CYB5B: variants seen among roughly 807,000 people sequenced by gnomAD.
The protein encoded by CYB5B is cytochrome b5 type B (outer mitochondrial membrane).
Under a neutral mutation model 21.3 loss-of-function variants are expected in CYB5B, and 14 were observed. That is an observed-to-expected ratio of 0.66 (90% confidence interval 0.43 to 1.03). The LOEUF is 1.03. Ranked by LOEUF, CYB5B falls within the 50% of genes least tolerant of loss-of-function variation. CYB5B has a pLI of 0.00. For missense variants in CYB5B, 166 were observed against 185.1 expected (o/e 0.90, Z 0.60); for synonymous variants, 69 against 68.4 (o/e 1.01, Z -0.04).
At chr16:69,456,166 G>T (rs939543777) in intron 3 of CYB5B, among the ~76,000 whole-genome samples, 1 of 151,944 alleles carries the variant, frequency 6.6e-6, no homozygotes, top group Non-Finnish European at 1.5e-5. Context: ...TTGAGACAGG[G>T]TCTTGATCTG....
chr16:69,425,799 T>A (rs1278097705), intron 1 of CYB5B, among the ~76,000 whole-genome samples: 1 of 152,232 alleles, frequency 6.6e-6, no homozygotes, highest in Non-Finnish European at 1.5e-5. Context: ...TCGGTGTGTG[T>A]ATGTTTGAAG....
intron 1 of CYB5B, among the ~76,000 whole-genome samples, chr16:69,438,245 T>C (rs921058777): frequency 3.9e-5 from 6 of 152,248 alleles, no homozygotes; most frequent in African/African-American, 1.4e-4. Flanking sequence ...TTTCATTCAT[T>C]TTTAAGGCTG....
intron 1 of CYB5B, among the ~76,000 whole-genome samples, chr16:69,440,234 G>A (rs1461768719): frequency 6.6e-6 from 1 of 152,146 alleles, no homozygotes; most frequent in Non-Finnish European, 1.5e-5. Flanking sequence ...ATTGAATATT[G>A]TTGTGAATCA....
chr16:69,427,530 G>GT (rs112240866), intron 1 of CYB5B, among the ~76,000 whole-genome samples: 16,029 of 151,528 alleles, frequency 0.11, 937 homozygotes, highest in South Asian at 0.19. Flanking sequence ...CTGCAGTTTT[G>GT]TTTTTTTTGT....
At position 69,462,754 on chromosome 16, in the gene CYB5B, C is replaced by T. The variant is rs2015048694; in HGVS notation, c.*234C>T. Reference sequence around the variant, plus strand: ...CCGTGTTGAACAATTGCCGGTGTTTCCTCTCTTCACTGGTTTCCATGAGTA... The same window carrying T: ...CCGTGTTGAACAATTGCCGGTGTTTTCTCTCTTCACTGGTTTCCATGAGTA... On this transcript the variant is annotated 3_prime_UTR_variant, in exon 5 of 5. Transcript: ENST00000307892. 4.1e-6 allele frequency: 2 copies of T among 483,358 alleles called. No homozygotes were observed. Among genetic ancestry groups the T allele is most frequent in the Non-Finnish European group, 3.8e-6 (1 of 264,986 alleles). 29.9% of individuals were successfully genotyped at this position (483,358 alleles called of 1,614,324 possible).
intron 3 of CYB5B, among the ~76,000 whole-genome samples, chr16:69,453,145 T>C (rs1031380210): frequency 3.3e-5 from 5 of 152,236 alleles, no homozygotes; most frequent in African/African-American, 1.2e-4. Flanking sequence ...TTAACGTGTT[T>C]TTTTAACTTC....
At chr16:69,439,411 A>G (rs2014796444) in intron 1 of CYB5B, among the ~76,000 whole-genome samples, 1 of 152,032 alleles carries the variant, frequency 6.6e-6, no homozygotes, top group Admixed American at 6.5e-5. Flanking sequence ...ATGTTTCACT[A>G]TGTTGGCCAG....
chr16:69,443,403 C>A, intron 1 of CYB5B: 1 of 177,764 alleles, frequency 5.6e-6, no homozygotes, highest in South Asian at 1.3e-4. Context: ...GTCATCTGCT[C>A]CTGCCTCATT....
chr16:69,434,352 C>T (rs1018524018), intron 1 of CYB5B, among the ~76,000 whole-genome samples: 5 of 152,130 alleles, frequency 3.3e-5, no homozygotes, highest in African/African-American at 4.8e-5. Flanking sequence ...TTTGTGTGGA[C>T]ATATGATTTT....
At chr16:69,459,357 G>A (rs2015011804) in intron 4 of CYB5B, 1 of 465,446 alleles carries the variant, frequency 2.1e-6, no homozygotes. Context: ...TAATCTTATT[G>A]TGACATAAAT....
chr16:69,437,902 A>G (rs1323508267), intron 1 of CYB5B, among the ~76,000 whole-genome samples: 1 of 152,230 alleles, frequency 6.6e-6, no homozygotes, highest in Admixed American at 6.5e-5. Context: ...TTCACTTAGC[A>G]TAATGTGTTT....
intron 3 of CYB5B, chr16:69,448,844 G>A (rs1352196423): frequency 6.6e-6 from 1 of 152,144 alleles, no homozygotes; most frequent in Admixed American, 6.5e-5. Context: ...AGGGACAGCA[G>A]TTTAGGTGCC....
intron 3 of CYB5B, among the ~76,000 whole-genome samples, chr16:69,454,754 A>G (rs1362186140): frequency 6.6e-6 from 1 of 152,252 alleles, no homozygotes; most frequent in African/African-American, 2.4e-5. Flanking sequence ...TTAAATACTT[A>G]GAATCCTCTT....
intron 1 of CYB5B, among the ~76,000 whole-genome samples, chr16:69,446,745 T>C (rs979179769): frequency 5.9e-5 from 9 of 152,202 alleles, no homozygotes; most frequent in Admixed American, 3.9e-4. Flanking sequence ...ATCTCAATAA[T>C]ATTGGCAAAA....
At position 69,462,623 on chromosome 16, in the gene CYB5B, A is replaced by G. The variant is rs533410178; in HGVS notation, c.*103A>G. 7.6e-5 allele frequency: 71 copies of G among 929,832 alleles called. 4 individuals carry two copies. The South Asian group carries it at 9.5e-4, about 12-fold the overall frequency. The allele number at this position is 929,832 out of a possible 1,614,324, so 57.6% of individuals were successfully genotyped here. On this transcript the variant is annotated 3_prime_UTR_variant, in exon 5 of 5. Transcript: ENST00000307892. ...CCTCTCCTCGAATCCTGCCAGTTGC[A>G]TTCTTCCCCCTTGGAGCCAAGACGA...
At chr16:69,449,007 T>C (rs1468028684) in intron 3 of CYB5B, 1 of 152,230 alleles carries the variant, frequency 6.6e-6, no homozygotes, top group African/African-American at 2.4e-5. Flanking sequence ...CTCAAGAGAT[T>C]GCTTGCTTAA....
chr16:69,444,483 C>A (rs2014857673), intron 1 of CYB5B, among the ~76,000 whole-genome samples: 1 of 152,184 alleles, frequency 6.6e-6, no homozygotes, highest in Non-Finnish European at 1.5e-5. Flanking sequence ...CCCATGGCAG[C>A]CCTGCATCCA....
At chr16:69,453,715 C>A (rs1291441776) in intron 3 of CYB5B, among the ~76,000 whole-genome samples, 1 of 152,020 alleles carries the variant, frequency 6.6e-6, no homozygotes, top group Non-Finnish European at 1.5e-5. Context: ...CCTACCACCA[C>A]GCCTGGCTAA....
At chr16:69,448,256 C>A in intron 3 of CYB5B, 112 bp downstream of exon 3, 1 of 1,283,418 alleles carries the variant, frequency 7.8e-7, no homozygotes, top group Non-Finnish European at 1.1e-6. Flanking sequence ...ACTTTTTCCC[C>A]AAGCAAAAAT....
Sources: allele counts gnomAD v4.1 joint callset (sites outside exome capture counted in the v4.1 genomes callset), GRCh38; gene constraint gnomAD v4.1.1; transcripts MANE v1.5; gene names NCBI Gene and HGNC (gene_info 2026-07-23, HGNC 2026-07-21).